Variants in WDFY4 observed in about 807,000 individuals in gnomAD.
WDFY4 encodes WD repeat- and FYVE domain-containing protein 4.
A neutral mutation model predicts 351.9 loss-of-function variants in WDFY4; 169 were observed. The observed-to-expected ratio is 0.48, with a 90% CI of 0.42 to 0.55. WDFY4 has a LOEUF of 0.55. WDFY4 is among the 20% of genes least tolerant of loss of function. WDFY4 has a pLI of 0.00. For missense variants in WDFY4, 3,803 were observed against 3,935.6 expected, an observed-to-expected ratio of 0.97 and a Z score of 0.90; for synonymous variants, 1,622 against 1,574.6, an observed-to-expected ratio of 1.03 and a Z score of -0.71.
chr10:48,806,395 C>T (rs2067257051), intron 27 of WDFY4, among the ~76,000 whole-genome samples: 1 of 152,226 alleles, frequency 6.6e-6, no homozygotes, highest in African/African-American at 2.4e-5. Flanking sequence ...GGTTGAACCC[C>T]CACTACCCCT....
intron 43 of WDFY4, among the ~76,000 whole-genome samples, chr10:48,887,450 G>A (rs980611457): frequency 1.3e-5 from 2 of 152,218 alleles, no homozygotes; most frequent in Admixed American, 6.5e-5. Context: ...AATTAAAAAT[G>A]CCCATACCCT....
At chr10:48,898,832 G>C (rs1375181650) in intron 45 of WDFY4, among the ~76,000 whole-genome samples, 1 of 152,112 alleles carries the variant, frequency 6.6e-6, no homozygotes, top group African/African-American at 2.4e-5. Context: ...TGATGGTTCT[G>C]GGCAGTGCTG....
chr10:48,836,516 A>C (rs1014225524), intron 39 of WDFY4, among the ~76,000 whole-genome samples: 1 of 152,228 alleles, frequency 6.6e-6, no homozygotes, highest in Non-Finnish European at 1.5e-5. Flanking sequence ...TCATGTCAGC[A>C]GCTGATAGCC....
chr10:48,926,191 C>G (rs1372919520), intron 47 of WDFY4, among the ~76,000 whole-genome samples: 1 of 152,218 alleles, frequency 6.6e-6, no homozygotes, highest in Non-Finnish European at 1.5e-5. Flanking sequence ...TCCTATGACT[C>G]TCAGGCTGAA....
chr10:48,768,617 C>A (rs769980653), intron 13 of WDFY4, among the ~76,000 whole-genome samples: 2 of 151,906 alleles, frequency 1.3e-5, no homozygotes, highest in Non-Finnish European at 2.9e-5. Context: ...GCTTACTAGG[C>A]GGCTATTCTG....
intron 47 of WDFY4, among the ~76,000 whole-genome samples, chr10:48,908,783 C>T (rs1419216264): frequency 6.6e-6 from 1 of 152,182 alleles, no homozygotes; most frequent in Non-Finnish European, 1.5e-5. Flanking sequence ...GACACTGGTA[C>T]ATGTGTATGC....
intron 13 of WDFY4, among the ~76,000 whole-genome samples, chr10:48,771,406 T>G (rs1230357205): frequency 6.6e-6 from 1 of 152,214 alleles, no homozygotes; most frequent in Non-Finnish European, 1.5e-5. Flanking sequence ...AATTTCCATC[T>G]CTGGGCTTAG....
At chr10:48,966,496 C>T (rs769501289) in intron 54 of WDFY4, 30 bp from the exon 55 acceptor site, 1 of 1,546,460 alleles carries the variant, frequency 6.5e-7, no homozygotes. Context: ...CATCTCTCCC[C>T]TCATGTGTGT....
chr10:48,749,477 C>T (rs1029840749), intron 12 of WDFY4, among the ~76,000 whole-genome samples: 1 of 152,042 alleles, frequency 6.6e-6, no homozygotes, highest in African/African-American at 2.4e-5. Flanking sequence ...ACACATACCA[C>T]CTACATATGC....
rs528907870 is a variant in WDFY4, at chr10:48,941,802, A to T, written c.7587-4A>T. On this transcript the variant is annotated splice_polypyrimidine_tract_variant and splice_region_variant and intron_variant, in intron 47 of 61. Coordinates refer to ENST00000325239, the MANE Select transcript of WDFY4 (RefSeq NM_001394531.1). ...AGTCACCACCTTGGTTTTCTGTCCC[A>T]CAGGAGATACCCCGGCTCTGACAGG... is the stretch of plus-strand genomic sequence containing the variant. The T allele has an allele frequency of 6.4e-7, 1 of 1,552,066 alleles. No individual in the cohort carries two copies. The highest frequency in any genetic ancestry group is 1.2e-5 in the South Asian group (1 of 84,050).
chr10:48,715,337 C>T (rs1464929558), intron 2 of WDFY4, among the ~76,000 whole-genome samples: 1 of 152,218 alleles, frequency 6.6e-6, no homozygotes, highest in Non-Finnish European at 1.5e-5. Flanking sequence ...TTGTCATGCA[C>T]AACAGGTAAC....
intron 30 of WDFY4, among the ~76,000 whole-genome samples, chr10:48,812,875 C>T (rs1195147926): frequency 1.3e-5 from 2 of 152,196 alleles, no homozygotes; most frequent in East Asian, 3.8e-4. Context: ...GCTCTGTGCT[C>T]ACCCACCCTG....
At chr10:48,844,388 T>C (rs1248349339) in intron 39 of WDFY4, among the ~76,000 whole-genome samples, 2 of 152,086 alleles carry the variant, frequency 1.3e-5, no homozygotes, top group African/African-American at 4.8e-5. Context: ...GGTCAGGAGT[T>C]TGAGACCGGC....
intron 10 of WDFY4, among the ~76,000 whole-genome samples, chr10:48,735,362 T>C (rs1486739023): frequency 6.6e-6 from 1 of 152,248 alleles, no homozygotes; most frequent in Non-Finnish European, 1.5e-5. Context: ...TTAGCTTAAA[T>C]TGTGGTTTGC....
At chr10:48,801,222 G>C (rs553561879) in intron 24 of WDFY4, among the ~76,000 whole-genome samples, 1 of 152,292 alleles carries the variant, frequency 6.6e-6, no homozygotes, top group South Asian at 2.1e-4. Context: ...AGTTATTCAT[G>C]TTTCCCAAAA....
intron 47 of WDFY4, among the ~76,000 whole-genome samples, chr10:48,920,421 A>G (rs967696768): frequency 6.6e-6 from 1 of 152,202 alleles, no homozygotes; most frequent in Admixed American, 6.5e-5. Context: ...ATGTTAAATG[A>G]CGAATTAATG....
At chr10:48,944,195 C>G (rs1036817642) in intron 49 of WDFY4, among the ~76,000 whole-genome samples, 5 of 152,188 alleles carry the variant, frequency 3.3e-5, no homozygotes, top group African/African-American at 1.2e-4. Context: ...GATACAGACA[C>G]ACAGAAAGGA....
chr10:48,976,698 GA>G, intron 58 of WDFY4, 98 bp from the exon 59 acceptor site: 1 of 1,136,720 alleles, frequency 8.8e-7, no homozygotes, highest in Non-Finnish European at 1.1e-6. Context: ...GAGCATGACA[GA>G]TTGAGAGTAC....
At chr10:48,754,680 C>T (rs2065281567) in intron 12 of WDFY4, among the ~76,000 whole-genome samples, 1 of 152,052 alleles carries the variant, frequency 6.6e-6, no homozygotes, top group Non-Finnish European at 1.5e-5. Flanking sequence ...ACACCCAGGT[C>T]ATGGATTTTA....
Sources: gnomAD v4.1 joint callset for allele counts (sites outside exome capture counted in the v4.1 genomes callset) on GRCh38, gnomAD v4.1.1 for gene constraint, MANE v1.5 for transcripts, NCBI Gene and HGNC (gene_info 2026-07-23, HGNC 2026-07-21) for gene names.